The following CSMD1 variants were observed in gnomAD, a reference collection of about 807,000 sequenced individuals.
The protein encoded by CSMD1 is CUB and Sushi multiple domains 1, also known as CUB and sushi domain-containing protein 1.
CSMD1 carries 213 observed loss-of-function variants against 417.5 expected under a neutral mutation model. That is an observed-to-expected ratio of 0.51 (90% CI 0.46 to 0.57). CSMD1 has a LOEUF of 0.57. Ranked by LOEUF, CSMD1 falls within the 20% of genes least tolerant of loss-of-function variation. CSMD1 has a pLI of 0.00. For missense variants in CSMD1, 6,923 were observed against 4,529.7 expected, an observed-to-expected ratio of 1.53 and a Z score of -15.17; for synonymous variants, 2,862 against 1,736.8, an observed-to-expected ratio of 1.65 and a Z score of -16.11.
At chr8:4,134,421 G>A (rs1195066156) in intron 3 of CSMD1, among the ~76,000 whole-genome samples, 2 of 152,124 alleles carry the variant, frequency 1.3e-5, no homozygotes, top group Non-Finnish European at 2.9e-5. Context: ...GAAGACAGAG[G>A]GAGAAGACAG....
At chr8:4,116,905 G>C (rs1266022231) in intron 3 of CSMD1, among the ~76,000 whole-genome samples, 1 of 152,012 alleles carries the variant, frequency 6.6e-6, no homozygotes, top group East Asian at 1.9e-4. Context: ...ATCAGAAAGT[G>C]AGGTACTCGA....
At chr8:3,046,132 C>T (rs1350792943) in intron 50 of CSMD1, among the ~76,000 whole-genome samples, 1 of 152,150 alleles carries the variant, frequency 6.6e-6, no homozygotes, top group Non-Finnish European at 1.5e-5. Flanking sequence ...AGTTTTTCTG[C>T]AGAGGAGTGT....
In CSMD1 at chr8:4,018,380, C is replaced by G. The variant is rs573863852; in HGVS notation, c.610+13525G>C. On this transcript the variant is annotated intron_variant, in intron 4 of 69. Transcript: ENST00000635120. ...ATGCCGAGGAGCTGCCATCATCTTT[C>G]TCTCTTGGCAACTTCCTGCCTCGAT... Among the ~76,000 whole-genome samples the G allele has an allele frequency of 5.9e-5, 9 of 152,310 alleles. No individual in the cohort carries two copies. In the East Asian group the frequency reaches 1.4e-3, roughly 23 times the overall value.
intron 3 of CSMD1, among the ~76,000 whole-genome samples, chr8:4,142,764 C>T (rs1023898720): frequency 6.6e-6 from 1 of 150,928 alleles, no homozygotes; most frequent in African/African-American, 2.5e-5. Flanking sequence ...CCAATCACTT[C>T]ATTAGTGCAA....
intron 1 of CSMD1, among the ~76,000 whole-genome samples, chr8:4,748,174 C>T (rs1563282207): frequency 6.6e-6 from 1 of 152,206 alleles, no homozygotes; most frequent in Non-Finnish European, 1.5e-5. Context: ...TCTACTCCAT[C>T]ACCTTGGCAC....
chr8:4,937,817 G>A (rs1379125697), intron 1 of CSMD1, among the ~76,000 whole-genome samples: 5 of 152,024 alleles, frequency 3.3e-5, no homozygotes, highest in African/African-American at 1.2e-4. Context: ...ACTACAAAGT[G>A]TCAGAATTTT....
At chr8:4,044,847 A>G (rs1798069074) in intron 3 of CSMD1, among the ~76,000 whole-genome samples, 1 of 152,224 alleles carries the variant, frequency 6.6e-6, no homozygotes, top group South Asian at 2.1e-4. Flanking sequence ...GGCTTGTACC[A>G]TGCTGGGGAC....
chr8:3,053,444 T>A (rs1812005584), intron 49 of CSMD1, among the ~76,000 whole-genome samples: 1 of 152,038 alleles, frequency 6.6e-6, no homozygotes, highest in Non-Finnish European at 1.5e-5. Flanking sequence ...TTATTGTTCC[T>A]CTCCCCTTCC....
In CSMD1 at chr8:3,162,171, C is replaced by T. The variant is rs370395897; in HGVS notation, c.5832G>A (p.Gly1944=). 319 of 1,602,950 alleles carry T rather than the reference C, an allele frequency of 2.0e-4. 1 individual carries two copies. In the African/African-American group the frequency reaches 3.4e-3, roughly 17 times the overall value. Reference sequence around the variant, plus strand: ...AGAAGAAGGATACCTGCAGGGTGTACCCGGGCTCGCACTGGAAGGAGAGCA... The same window carrying T: ...AGAAGAAGGATACCTGCAGGGTGTATCCGGGCTCGCACTGGAAGGAGAGCA... ...NDVLSFQCEP[G]YTLQGRSHIS... is the part of the protein sequence containing the mutation. Residue 1944 remains glycine, a synonymous_variant, in exon 38 of 70, where the codon GGG becomes GGA. Transcript: ENST00000635120.
chr8:4,867,024 G>A (rs1342043701), intron 1 of CSMD1, among the ~76,000 whole-genome samples: 1 of 151,960 alleles, frequency 6.6e-6, no homozygotes. Flanking sequence ...GGCAGGCTTT[G>A]ATTGCGTTTT....
chr8:3,402,535 T>C (rs944096036), intron 15 of CSMD1, among the ~76,000 whole-genome samples: 2 of 152,174 alleles, frequency 1.3e-5, no homozygotes, highest in African/African-American at 4.8e-5. Context: ...ATAAAATTTA[T>C]ACTCAACATG....
intron 5 of CSMD1, among the ~76,000 whole-genome samples, chr8:3,912,040 T>C (rs1175370729): frequency 6.6e-6 from 1 of 152,186 alleles, no homozygotes; most frequent in Non-Finnish European, 1.5e-5. Context: ...TGGAGTATAT[T>C]TTCTTTAACC....
intron 1 of CSMD1, among the ~76,000 whole-genome samples, chr8:4,730,657 T>C (rs532972219): frequency 4.0e-3 from 607 of 151,778 alleles, no homozygotes; most frequent in Non-Finnish European, 7.1e-3. Flanking sequence ...AGGAGAATGG[T>C]GTGAACCCGG....
At chr8:4,918,914 A>C (rs2117129480) in intron 1 of CSMD1, among the ~76,000 whole-genome samples, 1 of 152,300 alleles carries the variant, frequency 6.6e-6, no homozygotes, top group African/African-American at 2.4e-5. Context: ...TAAAAAAAGT[A>C]GTAAAATTCT....
At chr8:3,458,374 T>C (rs532702164) in intron 12 of CSMD1, among the ~76,000 whole-genome samples, 3 of 152,292 alleles carry the variant, frequency 2.0e-5, no homozygotes, top group Admixed American at 1.3e-4. Context: ...AATTCATTCA[T>C]GCAATATAAC....
chr8:3,334,947 A>G (rs1416213517), intron 23 of CSMD1, among the ~76,000 whole-genome samples: 2 of 152,230 alleles, frequency 1.3e-5, no homozygotes, highest in African/African-American at 4.8e-5. Flanking sequence ...TCCTAGTCCA[A>G]CGAGCCTTCT....
intron 3 of CSMD1, among the ~76,000 whole-genome samples, chr8:4,078,644 AT>A (rs1799957583): frequency 6.7e-6 from 1 of 150,316 alleles, no homozygotes; most frequent in Non-Finnish European, 1.5e-5. Flanking sequence ...TTTCACATGT[AT>A]TTCTAACTAT....
At chr8:3,451,221 T>A (rs897342495) in intron 12 of CSMD1, among the ~76,000 whole-genome samples, 5 of 152,254 alleles carry the variant, frequency 3.3e-5, no homozygotes, top group Non-Finnish European at 5.9e-5. Context: ...ATTAGCCCTT[T>A]GTCAGATGAG....
At chr8:4,086,122 A>G (rs1013338667) in intron 3 of CSMD1, among the ~76,000 whole-genome samples, 1 of 152,234 alleles carries the variant, frequency 6.6e-6, no homozygotes, top group African/African-American at 2.4e-5. Context: ...TATGAGGTAG[A>G]TGTTATTGCT....
Sources: allele counts gnomAD v4.1 joint callset (sites outside exome capture counted in the v4.1 genomes callset), GRCh38; gene constraint gnomAD v4.1.1; transcripts MANE v1.5; gene names NCBI Gene and HGNC (gene_info 2026-07-23, HGNC 2026-07-21).